The following WWP1 variants were observed in gnomAD, a reference collection of about 807,000 sequenced individuals.
The protein encoded by WWP1 is WW domain containing E3 ubiquitin protein ligase 1, also known as NEDD4-like E3 ubiquitin-protein ligase WWP1.
A neutral mutation model predicts 130.6 loss-of-function variants in WWP1; 49 were observed. That is an observed-to-expected ratio of 0.38 (90% CI 0.30 to 0.48). The LOEUF (loss-of-function observed/expected upper bound fraction) is 0.48, where lower values mean the gene tolerates loss of function less well. Among genes scored for constraint, WWP1 ranks in the 20% least tolerant of loss-of-function variants. WWP1 has a pLI of 0.99. For missense variants in WWP1, 809 were observed against 1,100.6 expected, an observed-to-expected ratio of 0.74 and a Z score of 3.75; for synonymous variants, 332 against 367.8, an observed-to-expected ratio of 0.90 and a Z score of 1.11.
intron 18 of WWP1, among the ~76,000 whole-genome samples, chr8:86,445,947 A>ATGTCT (rs1377591056): frequency 1.2e-3 from 135 of 109,872 alleles, no homozygotes; most frequent in Non-Finnish European, 1.9e-3. Flanking sequence ...GGCTGCTTAT[A>ATGTCT]TGTCTTTTCT....
In WWP1 at chr8:86,448,567, C is replaced by A. The variant is rs1373161148; in HGVS notation, c.2273+54C>A. 4 of 1,543,894 alleles carry A rather than the reference C, an allele frequency of 2.6e-6. No homozygotes were observed. The African/African-American group carries it at 5.5e-5, about 21-fold the overall frequency. On this transcript the variant is annotated intron_variant, in intron 20 of 24. Coordinates refer to ENST00000517970, the MANE Select transcript of WWP1 (RefSeq NM_007013.4). ...TTTCTAGAACACTTCAGAACTAAAT[C>A]CTCTCTCTGTACCCTTAATTTCATC...
chr8:86,354,735 G>A (rs1195056333), intron 1 of WWP1, among the ~76,000 whole-genome samples: 1 of 152,008 alleles, frequency 6.6e-6, no homozygotes, highest in Non-Finnish European at 1.5e-5. Context: ...GTGTGTGAGG[G>A]GCTTTCTTTA....
At position 86,402,047 on chromosome 8, in the gene WWP1, G is replaced by C; in HGVS notation, c.568G>C (p.Asp190His). 3.7e-6 allele frequency: 6 copies of C among 1,606,686 alleles called. No homozygotes were observed. In the South Asian group the frequency reaches 6.7e-5, roughly 18 times the overall value. The change falls in exon 8 of 25, where the codon GAT (aspartate) becomes CAT (histidine). Residue 190 changes from aspartate to histidine, a missense_variant. Around this residue, in one of 3 missense-constraint regions of WWP1, gnomAD observed 262 missense variants for 346.0 expected, o/e 0.76. Coordinates refer to ENST00000517970, the MANE Select transcript of WWP1 (RefSeq NM_007013.4). Reference sequence around the variant, plus strand: ...GGCTGTTGAAGGCACGAATGGAATAGATAATCATGTACCTACAAGCACTCT... The same window carrying C: ...GGCTGTTGAAGGCACGAATGGAATACATAATCATGTACCTACAAGCACTCT... ...RLAVEGTNGI[D>H]NHVPTSTLVQ...
chr8:86,412,323 T>G (rs921711977), intron 9 of WWP1, among the ~76,000 whole-genome samples: 4 of 152,172 alleles, frequency 2.6e-5, no homozygotes, highest in African/African-American at 7.2e-5. Flanking sequence ...AAAAATGCAG[T>G]TTTTCATTGC....
At chr8:86,359,299 A>G (rs948618455) in intron 1 of WWP1, among the ~76,000 whole-genome samples, 2 of 152,158 alleles carry the variant, frequency 1.3e-5, no homozygotes, top group African/African-American at 2.4e-5. Context: ...TCTGGAACCT[A>G]TGCTATAAAC....
At chr8:86,420,158 T>TGAAA (rs1389394197) in intron 9 of WWP1, among the ~76,000 whole-genome samples, 1 of 151,272 alleles carries the variant, frequency 6.6e-6, no homozygotes, top group African/African-American at 2.4e-5. Context: ...AGGAGAGGAG[T>TGAAA]GAAAGGAATG....
chr8:86,449,659 A>G (rs1178866383), intron 20 of WWP1, among the ~76,000 whole-genome samples: 1 of 152,184 alleles, frequency 6.6e-6, no homozygotes, highest in Non-Finnish European at 1.5e-5. Flanking sequence ...CCTAAAATCA[A>G]ACTTTTCATT....
intron 22 of WWP1, among the ~76,000 whole-genome samples, chr8:86,459,698 T>C (rs12548552): frequency 1.4e-4 from 22 of 152,246 alleles, no homozygotes; most frequent in Admixed American, 2.6e-4. Flanking sequence ...TTATATACAG[T>C]ATGCATACCG....
intron 10 of WWP1, among the ~76,000 whole-genome samples, chr8:86,426,602 A>T (rs899247573): frequency 1.3e-5 from 2 of 152,184 alleles, no homozygotes; most frequent in Non-Finnish European, 2.9e-5. Flanking sequence ...TTAGACTCTC[A>T]CATGAGGCCC....
intron 5 of WWP1, among the ~76,000 whole-genome samples, chr8:86,391,777 G>GTGTT (rs1439846450): frequency 6.6e-6 from 1 of 152,080 alleles, no homozygotes; most frequent in African/African-American, 2.4e-5. Flanking sequence ...TTAGGCCCTT[G>GTGTT]TGTTTGGTAG....
At position 86,435,620 on chromosome 8, in the gene WWP1, T is replaced by C; in HGVS notation, c.1678-13T>C. On this transcript the variant is annotated splice_polypyrimidine_tract_variant and intron_variant, in intron 15 of 24. Transcript: ENST00000517970. ...TAACTCAGATGATATTATGATATTA[T>C]TTTTGTTTTTAGTCTAATGCACTAC... 1 of 1,612,936 alleles carries C rather than the reference T, an allele frequency of 6.2e-7. No homozygotes were observed.
chr8:86,387,384 A>G (rs1825343034), intron 5 of WWP1, among the ~76,000 whole-genome samples: 1 of 152,140 alleles, frequency 6.6e-6, no homozygotes, highest in Admixed American at 6.5e-5. Flanking sequence ...TCTACTTTGT[A>G]TTACCACTTG....
At position 86,467,439 on chromosome 8, in the gene WWP1, T is replaced by C. The variant is rs1483431852; in HGVS notation, c.*546T>C. On this transcript the variant is annotated 3_prime_UTR_variant, in exon 25 of 25. Transcript: ENST00000517970. The stretch of plus-strand genomic sequence containing the variant: ...GCTGGCTTTTCTGAAGACAGGTGCT[T>C]GAACTTGTCAGTTTGTTTTAAATAA... 6.6e-6 allele frequency: 1 copy of C among 152,562 alleles called. No individual in the cohort carries two copies. The highest frequency in any genetic ancestry group is 1.5e-5 in the Non-Finnish European group (1 of 68,046). The allele number at this position is 152,562 out of a possible 1,614,324, so 9.5% of individuals were successfully genotyped here.
At chr8:86,376,891 T>C (rs1824688330) in intron 3 of WWP1, among the ~76,000 whole-genome samples, 1 of 152,182 alleles carries the variant, frequency 6.6e-6, no homozygotes, top group African/African-American at 2.4e-5. Context: ...ATTTTTAAAA[T>C]AAAAGTCACC....
intron 1 of WWP1, among the ~76,000 whole-genome samples, chr8:86,356,997 A>C (rs1228299592): frequency 2.6e-5 from 4 of 152,176 alleles, no homozygotes; most frequent in Non-Finnish European, 4.4e-5. Context: ...TGGAGAACAG[A>C]AAATAAAATG....
chr8:86,442,855 AGG>A, intron 18 of WWP1, 77 bp downstream of exon 18: 15 of 1,136,270 alleles, frequency 1.3e-5, no homozygotes, highest in Non-Finnish European at 1.8e-5. Context: ...AAAAAAAAAA[AGG>A]ATAAGCATTA....
intron 16 of WWP1, among the ~76,000 whole-genome samples, chr8:86,437,169 C>T (rs1262371438): frequency 6.6e-6 from 1 of 152,194 alleles, no homozygotes; most frequent in African/African-American, 2.4e-5. Context: ...GTGCTCCAAC[C>T]CAGACTTGCC....
At chr8:86,423,017 T>C (rs1809317407) in intron 9 of WWP1, among the ~76,000 whole-genome samples, 1 of 151,562 alleles carries the variant, frequency 6.6e-6, no homozygotes, top group Non-Finnish European at 1.5e-5. Flanking sequence ...TATTATTTCA[T>C]AGACACTTTG....
chr8:86,354,783 A>C (rs1356212401), intron 1 of WWP1, among the ~76,000 whole-genome samples: 1 of 152,150 alleles, frequency 6.6e-6, no homozygotes, highest in African/African-American at 2.4e-5. Flanking sequence ...GTATGGAAGA[A>C]AAATATTGAG....
Sources: gnomAD v4.1 joint callset for allele counts (sites outside exome capture counted in the v4.1 genomes callset) on GRCh38, gnomAD v4.1.1 for gene constraint, gnomAD v4.1.1 regional missense constraint, MANE v1.5 for transcripts, NCBI Gene and HGNC (gene_info 2026-07-23, HGNC 2026-07-21) for gene names.